Variants in ALMS1 observed in about 807,000 individuals in gnomAD.
ALMS1 encodes the protein ALMS1 centrosome and basal body associated protein.
In ALMS1, 271 loss-of-function variants were observed where a neutral mutation model predicts 352.2. The observed-to-expected ratio is 0.77, with a 90% confidence interval of 0.70 to 0.85. ALMS1 has a LOEUF of 0.85. Among genes scored for constraint, ALMS1 ranks in the 40% least tolerant of loss-of-function variants. ALMS1 has a pLI of 0.00. For synonymous variants in ALMS1, 1,865 were observed against 1,761.2 expected (o/e 1.06, Z -1.48); for missense variants, 5,445 against 4,870.7 (o/e 1.12, Z -3.51).
chr2:73,480,452 C>A (rs1187375940), intron 9 of ALMS1, among the ~76,000 whole-genome samples: 2 of 152,218 alleles, frequency 1.3e-5, no homozygotes, highest in African/African-American at 4.8e-5. Flanking sequence ...ATATGTGCCA[C>A]ATTTTCTTAA....
At chr2:73,471,281 T>C (rs1672461066) in intron 9 of ALMS1, among the ~76,000 whole-genome samples, 1 of 150,886 alleles carries the variant, frequency 6.6e-6, no homozygotes, top group South Asian at 2.1e-4. Flanking sequence ...GTTACCAAAG[T>C]CTTAACAGAA....
chr2:73,455,383 G>A, intron 9 of ALMS1, 88 bp downstream of exon 9: 1 of 1,549,428 alleles, frequency 6.5e-7, no homozygotes, highest in Non-Finnish European at 8.8e-7. Context: ...CAGTTGAGTT[G>A]CTGATAATAT....
Position 73,471,778 on chromosome 2 carries a change from T to C in ALMS1, c.7674+16483T>C, listed in dbSNP as rs1348059378. On this transcript the variant is annotated intron_variant, in intron 9 of 22. Transcript: ENST00000613296. Reference sequence around the variant, plus strand: ...GTACACTGTAGATGGTCATGTAAAATGGTGTAGCTGCTGTGGAAAATAGTA... The same window carrying C: ...GTACACTGTAGATGGTCATGTAAAACGGTGTAGCTGCTGTGGAAAATAGTA... 2.0e-5 allele frequency among the ~76,000 whole-genome samples: 3 copies of C among 152,028 alleles called. No individual in the cohort carries two copies. In the East Asian group the frequency reaches 5.8e-4, roughly 29 times the overall value.
chr2:73,426,415 T>C (rs1397093115), intron 5 of ALMS1, 38 bp from the exon 6 acceptor site: 7 of 1,603,174 alleles, frequency 4.4e-6, no homozygotes, highest in African/African-American at 2.7e-5. Context: ...CTAGTTTTAC[T>C]ATACATACAA....
chr2:73,405,591 A>G (rs945587667), intron 1 of ALMS1, among the ~76,000 whole-genome samples: 20 of 149,606 alleles, frequency 1.3e-4, no homozygotes, highest in African/African-American at 4.9e-4. Flanking sequence ...CTTTGCTCTA[A>G]TCTTATTTTT....
intron 17 of ALMS1, among the ~76,000 whole-genome samples, chr2:73,600,138 G>A (rs1387860043): frequency 1.3e-5 from 2 of 152,090 alleles, no homozygotes; most frequent in Non-Finnish European, 2.9e-5. Flanking sequence ...AAGAAAGGAG[G>A]GAAGAGAATT....
At chr2:73,590,452 C>G (rs1343048040) in intron 16 of ALMS1, among the ~76,000 whole-genome samples, 2 of 152,114 alleles carry the variant, frequency 1.3e-5, no homozygotes. Flanking sequence ...TATTCTGTAA[C>G]TGTAATGCAG....
chr2:73,388,195 G>A (rs1670577144), intron 1 of ALMS1, among the ~76,000 whole-genome samples: 1 of 152,124 alleles, frequency 6.6e-6, no homozygotes, highest in Non-Finnish European at 1.5e-5. Context: ...CTTTTATTTT[G>A]TCCTGTGACT....
At chr2:73,502,874 A>G (rs1464250435) in intron 10 of ALMS1, among the ~76,000 whole-genome samples, 1 of 152,138 alleles carries the variant, frequency 6.6e-6, no homozygotes, top group Admixed American at 6.6e-5. Context: ...AAAGTTATAG[A>G]AAAGGTAAAT....
chr2:73,482,555 T>C lies in ALMS1; in HGVS notation c.7675-7079T>C, dbSNP rs1309324587. ...TAAAATTCTCTTTTTTTGTTGTGTC[T>C]CTGCCTGGCTTTGGTATCAGAATGA... On this transcript the variant is annotated intron_variant, in intron 9 of 22. Coordinates refer to ENST00000613296, the MANE Select transcript of ALMS1 (RefSeq NM_001378454.1). Among the ~76,000 whole-genome samples, 17 of 152,312 alleles carry C rather than the reference T, an allele frequency of 1.1e-4. 1 individual carries two copies. In the East Asian group the frequency reaches 2.7e-3, roughly 24 times the overall value.
intron 1 of ALMS1, among the ~76,000 whole-genome samples, chr2:73,403,789 A>ATT (rs1470244720): frequency 6.6e-6 from 1 of 152,046 alleles, no homozygotes; most frequent in African/African-American, 2.4e-5. Flanking sequence ...TTTTGATGCT[A>ATT]TCATAAGTGG....
intron 9 of ALMS1, among the ~76,000 whole-genome samples, chr2:73,468,540 C>A (rs1672405441): frequency 6.6e-6 from 1 of 152,018 alleles, no homozygotes; most frequent in Admixed American, 6.6e-5. Context: ...ATAATAACTT[C>A]TCATTCTGTC....
chr2:73,402,497 C>T (rs1670893880), intron 1 of ALMS1, among the ~76,000 whole-genome samples: 1 of 151,914 alleles, frequency 6.6e-6, no homozygotes, highest in Admixed American at 6.6e-5. Context: ...TGGTCTCAAA[C>T]TCCTAACCTC....
intron 13 of ALMS1, among the ~76,000 whole-genome samples, chr2:73,556,746 C>T (rs1014222866): frequency 2.6e-5 from 4 of 151,736 alleles, no homozygotes; most frequent in Admixed American, 6.6e-5. Flanking sequence ...ACTGTCGCCC[C>T]GGCTGGAGTG....
chr2:73,513,225 T>G (rs556660314), intron 10 of ALMS1, among the ~76,000 whole-genome samples: 6 of 151,950 alleles, frequency 3.9e-5, no homozygotes, highest in Admixed American at 2.6e-4. Flanking sequence ...GCTAGACCAC[T>G]CCTCAACATG....
intron 16 of ALMS1, among the ~76,000 whole-genome samples, chr2:73,585,726 C>CTTTTTTTTTTT (rs58089734): frequency 8.4e-5 from 10 of 119,536 alleles, no homozygotes; most frequent in East Asian, 2.3e-4. Flanking sequence ...ACTTCTTGGC[C>CTTTTTTTTTTT]TTTTTTTTTT....
chr2:73,459,173 T>A (rs1672134171), intron 9 of ALMS1: 1 of 152,210 alleles, frequency 6.6e-6, no homozygotes, highest in Non-Finnish European at 1.5e-5. Context: ...CAAATTGAAT[T>A]TATCTGGTGT....
chr2:73,524,906 T>C (rs150829451), intron 11 of ALMS1, among the ~76,000 whole-genome samples: 1 of 152,326 alleles, frequency 6.6e-6, no homozygotes, highest in African/African-American at 2.4e-5. Flanking sequence ...TCCCAGTCTC[T>C]GGTAGCCATC....
intron 16 of ALMS1, among the ~76,000 whole-genome samples, chr2:73,578,636 T>C (rs1416069735): frequency 1.3e-5 from 2 of 152,160 alleles, no homozygotes; most frequent in African/African-American, 4.8e-5. Context: ...ACAAACACTG[T>C]TGTTAATACA....
Sources: allele counts gnomAD v4.1 joint callset (sites outside exome capture counted in the v4.1 genomes callset), GRCh38; gene constraint gnomAD v4.1.1; transcripts MANE v1.5; gene names NCBI Gene and HGNC (gene_info 2026-07-23, HGNC 2026-07-21).